The following METTL6 variants were observed in gnomAD, a reference collection of about 807,000 sequenced individuals.
The protein encoded by METTL6 is tRNA N(3)-cytidine methyltransferase METTL6.
A neutral mutation model predicts 26.4 loss-of-function variants in METTL6; 22 were observed. The observed-to-expected ratio is 0.83, with a 90% CI of 0.59 to 1.19. The LOEUF (loss-of-function observed/expected upper bound fraction) is 1.19, where lower values mean the gene tolerates loss of function less well. METTL6 is among the 50% of genes most tolerant of loss of function. The probability of loss-of-function intolerance (pLI) is 0.00; values close to 1 mark genes in which losing one functional copy is unlikely to be tolerated. For missense variants in METTL6, 304 were observed against 324.8 expected (o/e 0.94, Z 0.49); for synonymous variants, 109 against 116.2 (o/e 0.94, Z 0.40).
exon 7 of METTL6, chr3:15,382,884 A>C (rs189258506): frequency 6.6e-6 from 1 of 152,218 alleles, no homozygotes; most frequent in Non-Finnish European, 1.5e-5. Context: ...AGATTCAGAA[A>C]GACAAATACC....
At chr3:15,413,886 G>C (rs1404218283) in intron 5 of METTL6, 135 bp downstream of exon 5, 62 of 1,534,880 alleles carry the variant, frequency 4.0e-5, no homozygotes, top group Non-Finnish European at 5.0e-5. Context: ...GGTAAATATT[G>C]TGCAGTAGAG....
rs767540189 is a variant in METTL6 at position 15,426,412 on chromosome 3, G to T, written c.100C>A (p.Gln34Lys). 3 of 1,614,210 alleles carry T rather than the reference G, an allele frequency of 1.9e-6. No individual in the cohort carries two copies. Among genetic ancestry groups the T allele is most frequent in the Non-Finnish European group, 2.5e-6 (3 of 1,180,046 alleles). ...TGAGCCTCTTGTTCCAATTTCTGCT[G>T]TTTAAAATCAGACACCAAAGTTTGG... ...RDQTLVSDFK[Q>K]QKLEQEAQKN... Residue 34 changes from glutamine (Q) to lysine (K), a missense_variant, in exon 2 of 6, where the codon CAG becomes AAG. Coordinates refer to ENST00000383790, the MANE Select transcript of METTL6 (RefSeq NM_152396.4).
chr3:15,422,366 T>A (rs892651472), intron 3 of METTL6, among the ~76,000 whole-genome samples: 15 of 151,464 alleles, frequency 9.9e-5, no homozygotes, highest in African/African-American at 3.6e-4. Flanking sequence ...CGGTGGCTGA[T>A]GCCTGTAATC....
Position 15,414,026 on chromosome 3 carries a change from G to T in METTL6, c.668C>A (p.Thr223Asn). The part of the protein sequence containing the change: ...RQDGTRSYFF[T>N]DDFLAQLFMD... ...CTGGATTCCATTCATCTTACCATCA[G>T]TAAAAAAATATGATCTGGTCCCATC... The change falls in exon 5 of 6, where the codon ACT becomes AAT. Residue 223 changes from threonine to asparagine, a missense_variant. Thr to Asn is a moderately conservative substitution (Grantham distance 65). Coordinates refer to ENST00000383790, the MANE Select transcript of METTL6 (RefSeq NM_152396.4). 6.2e-7 allele frequency: 1 copy of T among 1,613,676 alleles called. No homozygotes were observed. The highest frequency in any genetic ancestry group is 8.5e-7 in the Non-Finnish European group (1 of 1,179,922).
At chr3:15,395,056 G>A (rs1205339371) in intron 6 of METTL6, among the ~76,000 whole-genome samples, 1 of 152,170 alleles carries the variant, frequency 6.6e-6, no homozygotes. Flanking sequence ...GGATATCCTT[G>A]TTAACTTTCT....
chr3:15,409,062 A>T (rs13075773), downstream of METTL6, among the ~76,000 whole-genome samples: 80,066 of 151,932 alleles, frequency 0.53, 21,766 homozygotes, highest in African/African-American at 0.66. Context: ...AAGGTCCACC[A>T]TCTCTACAAG....
At chr3:15,402,674 C>G (rs1350719639) in intron 6 of METTL6, among the ~76,000 whole-genome samples, 1 of 143,690 alleles carries the variant, frequency 7.0e-6, no homozygotes, top group Admixed American at 7.4e-5. Flanking sequence ...GCGGAGGTTG[C>G]AGTGAGCCGA....
downstream of METTL6, among the ~76,000 whole-genome samples, chr3:15,409,281 C>T (rs1699884078): frequency 2.0e-5 from 3 of 152,206 alleles, no homozygotes; most frequent in Admixed American, 2.0e-4. Flanking sequence ...AGGCCTGCTG[C>T]ATGTGCAGTC....
intron 6 of METTL6, among the ~76,000 whole-genome samples, chr3:15,397,449 T>A (rs983991154): frequency 2.0e-5 from 3 of 152,120 alleles, no homozygotes; most frequent in Non-Finnish European, 2.9e-5. Flanking sequence ...AGGCGATGCC[T>A]CACCCTGCTT....
intron 6 of METTL6, among the ~76,000 whole-genome samples, chr3:15,402,459 C>A (rs1321520390): frequency 2.0e-5 from 3 of 152,044 alleles, no homozygotes; most frequent in African/African-American, 7.2e-5. Flanking sequence ...CCTGGCCGGG[C>A]ATGGTGGCTT....
At chr3:15,426,682 G>T (rs1348487023) in intron 1 of METTL6, 47 bp from the exon 2 acceptor site, 5 of 633,074 alleles carry the variant, frequency 7.9e-6, no homozygotes, top group Non-Finnish European at 1.4e-5. Context: ...TACAGTTCAA[G>T]ACGCCAGGTT....
At chr3:15,409,026 T>C (rs1417128278), downstream of METTL6, among the ~76,000 whole-genome samples, 1 of 152,122 alleles carries the variant, frequency 6.6e-6, no homozygotes, top group African/African-American at 2.4e-5. Flanking sequence ...GGATTCTCAC[T>C]GTGAGAAGGC....
At chr3:15,403,737 TAA>T (rs1699710460) in intron 6 of METTL6, among the ~76,000 whole-genome samples, 1 of 152,168 alleles carries the variant, frequency 6.6e-6, no homozygotes, top group African/African-American at 2.4e-5. Flanking sequence ...TCAGAGTCCA[TAA>T]AGTGAAAGCA....
intron 6 of METTL6, among the ~76,000 whole-genome samples, chr3:15,402,505 G>A (rs983686773): frequency 1.4e-4 from 21 of 151,986 alleles, no homozygotes; most frequent in African/African-American, 4.3e-4. Flanking sequence ...AAGCTGAGGC[G>A]GGCAGATCAC....
At chr3:15,391,789 G>A (rs1020906630) in intron 6 of METTL6, among the ~76,000 whole-genome samples, 1 of 151,694 alleles carries the variant, frequency 6.6e-6, no homozygotes, top group Admixed American at 6.6e-5. Flanking sequence ...GAGAATGATG[G>A]TTTCCAGCTT....
chr3:15,413,688 T>C, intron 5 of METTL6: 1 of 1,231,656 alleles, frequency 8.1e-7, no homozygotes, highest in Admixed American at 3.4e-5. Flanking sequence ...AAATTTGCTT[T>C]ATTTTTAACT....
intron 5 of METTL6, among the ~76,000 whole-genome samples, chr3:15,412,601 C>T (rs544636731): frequency 8.4e-4 from 128 of 152,168 alleles, no homozygotes; most frequent in Admixed American, 1.6e-3. Context: ...CCTCTTGCCT[C>T]AGCCTCCTAA....
intron 6 of METTL6, among the ~76,000 whole-genome samples, chr3:15,401,358 G>A (rs1699639456): frequency 6.6e-6 from 1 of 151,696 alleles, no homozygotes; most frequent in South Asian, 2.1e-4. Context: ...ATTTTCTGTA[G>A]AAATGGGGTT....
downstream of METTL6, among the ~76,000 whole-genome samples, chr3:15,408,977 C>T (rs1480029351): frequency 6.6e-6 from 1 of 152,086 alleles, no homozygotes; most frequent in East Asian, 1.9e-4. Context: ...CAGCACTGGA[C>T]TGAAAGTGCG....
Sources: allele counts gnomAD v4.1 joint callset (sites outside exome capture counted in the v4.1 genomes callset), GRCh38; gene constraint gnomAD v4.1.1; transcripts MANE v1.5; gene names NCBI Gene and HGNC (gene_info 2026-07-23, HGNC 2026-07-21).